ITGB7: variants seen among roughly 807,000 people sequenced by gnomAD.
ITGB7 encodes the protein integrin subunit beta 7, also known as integrin beta-7.
In ITGB7, 55 loss-of-function variants were observed where a neutral mutation model predicts 83.4. The ratio of observed to expected loss-of-function variants is 0.66; its 90% CI spans 0.53 to 0.83. The LOEUF (loss-of-function observed/expected upper bound fraction) is 0.83, where lower values mean the gene tolerates loss of function less well. ITGB7 is among the 40% of genes least tolerant of loss of function. The pLI is 0.00. For missense variants in ITGB7, 921 were observed against 1,046.7 expected (o/e 0.88, Z 1.66); for synonymous variants, 454 against 423.6 (o/e 1.07, Z -0.88).
intron 1 of ITGB7, among the ~76,000 whole-genome samples, chr12:53,205,662 T>A (rs1478777652): frequency 6.6e-6 from 1 of 152,150 alleles, no homozygotes; most frequent in Non-Finnish European, 1.5e-5. Context: ...CAACATAAAC[T>A]CTTCAGGACT....
chr12:53,192,060 A>G (rs1941974197), intron 14 of ITGB7, 41 bp from the exon 15 acceptor site: 2 of 1,596,596 alleles, frequency 1.3e-6, no homozygotes, highest in South Asian at 1.1e-5. Flanking sequence ...GAGCTGGAGC[A>G]TAGGGACAGA....
chr12:53,198,601 C>T (rs1942245516), intron 3 of ITGB7, among the ~76,000 whole-genome samples: 1 of 151,678 alleles, frequency 6.6e-6, no homozygotes, highest in Non-Finnish European at 1.5e-5. Context: ...CTATAGCAGT[C>T]CCCCACCCCT....
chr12:53,200,252 G>A lies in ITGB7; in HGVS notation c.192C>T (p.Cys64=), dbSNP rs1230950852. The change falls in exon 3 of 16, where the codon TGC becomes TGT. Residue 64 remains cysteine (C), a synonymous_variant. Transcript: ENST00000267082. The part of the protein sequence containing the change: ...CILSHPSCAW[C]KQLNFTASGE... ...ATAGGCCCATCTTTACCAGTTGCTT[G>A]CACCATGCACAGCTGGGGTGTGAGA... The A allele has an allele frequency of 4.3e-6, 7 of 1,613,718 alleles. No homozygotes were observed. Among genetic ancestry groups the A allele is most frequent in the Non-Finnish European group, 5.1e-6 (6 of 1,179,926 alleles).
intron 1 of ITGB7, among the ~76,000 whole-genome samples, chr12:53,203,563 G>A (rs917863406): frequency 6.8e-6 from 1 of 146,042 alleles, no homozygotes; most frequent in African/African-American, 2.6e-5. Flanking sequence ...CACAAGAATC[G>A]CTTGAACCCG....
At position 53,197,734 on chromosome 12, in the gene ITGB7, G is replaced by C. The variant is rs1942214098; in HGVS notation, c.403+16C>G. On this transcript the variant is annotated intron_variant, in intron 4 of 15. Coordinates refer to ENST00000267082, the MANE Select transcript of ITGB7 (RefSeq NM_000889.3). ...CAGCCTAGACCTCTGGCCTGGCCCC[G>C]CCTCCCCTAACTCACCAGGCCGCAG... 3 of 1,585,142 alleles carry C rather than the reference G, an allele frequency of 1.9e-6. No homozygotes were observed. Among genetic ancestry groups the C allele is most frequent in the African/African-American group, 1.3e-5 (1 of 74,142 alleles).
intron 1 of ITGB7, among the ~76,000 whole-genome samples, chr12:53,205,600 A>G (rs945164863): frequency 1.3e-5 from 2 of 152,158 alleles, no homozygotes. Flanking sequence ...ACTGGTGTGT[A>G]TTTCATCTAC....
rs1033507623 is a variant in ITGB7 at position 53,196,639 on chromosome 12, G to A, written c.756C>T (p.Ser252=). ...CACCTTCAGGCGAGTCCAGATTGCC[G>A]GACACACTCTGGCGCCCCACCTCCC... The part of the protein sequence containing the change: ...FEREVGRQSV[S]GNLDSPEGGF... The change falls in exon 6 of 16, where the codon TCC becomes TCT. Residue 252 remains serine, a synonymous_variant. Transcript: ENST00000267082. The A allele has an allele frequency of 1.7e-5, 27 of 1,612,572 alleles. No individual in the cohort carries two copies. The highest frequency in any genetic ancestry group is 4.0e-5 in the African/African-American group (3 of 74,856).
At position 53,196,215 on chromosome 12, in the gene ITGB7, G is replaced by A. The variant is rs201442074; in HGVS notation, c.817-16C>T. The A allele has an allele frequency of 2.5e-6, 4 of 1,613,018 alleles. No individual in the cohort carries two copies. The African/African-American group carries it at 4.0e-5, about 16-fold the overall frequency. ...CAATCTGCTCCTGAGTTACAGTGGG[G>A]GTGGTAGGCTATGCACCTGGGCATG... On this transcript the variant is annotated splice_polypyrimidine_tract_variant and intron_variant, in intron 6 of 15. Transcript: ENST00000267082.
rs772447440 is a variant in ITGB7 at position 53,193,299 on chromosome 12, G to C, written c.1567C>G (p.Leu523Val). The change falls in exon 12 of 16, where the codon CTG (leucine) becomes GTG (valine). Residue 523 changes from leucine to valine, a missense_variant. By Grantham distance (32) the Leu-to-Val change is conservative. Coordinates refer to ENST00000267082, the MANE Select transcript of ITGB7 (RefSeq NM_000889.3). Reference sequence around the variant, plus strand: ...TTGGGAGCCCGGCACCCAGATTCCAGGTCTGGGGAGGACAGCTCTGCCACA... The same window carrying C: ...TTGGGAGCCCGGCACCCAGATTCCACGTCTGGGGAGGACAGCTCTGCCACA... ...CSVAELSSPDLESGCRAPNGT... is the reference protein window; with the variant it reads ...CSVAELSSPDVESGCRAPNGT... 1.2e-6 allele frequency: 2 copies of C among 1,612,162 alleles called. No individual in the cohort carries two copies. The highest frequency in any genetic ancestry group is 1.7e-6 in the Non-Finnish European group (2 of 1,178,464).
At chr12:53,197,359 C>G in intron 5 of ITGB7, 134 bp downstream of exon 5, 1 of 966,354 alleles carries the variant, frequency 1.0e-6, no homozygotes, top group Middle Eastern at 2.1e-4. Flanking sequence ...CAGGAACGAA[C>G]CTGTGGCCTG....
chr12:53,202,590 A>C (rs1236407077), intron 1 of ITGB7, among the ~76,000 whole-genome samples: 1 of 151,584 alleles, frequency 6.6e-6, no homozygotes, highest in African/African-American at 2.4e-5. Context: ...CCTGACCTCA[A>C]GTGATCCACC....
Position 53,192,921 on chromosome 12 carries a change from G to A in ITGB7, c.1727-11C>T. 6.2e-7 allele frequency: 1 copy of A among 1,612,208 alleles called. No individual in the cohort carries two copies. The highest frequency in any genetic ancestry group is 8.5e-7 in the Non-Finnish European group (1 of 1,178,534). ...GGCAGCGACCAAAGCCTGGGGTAGA[G>A]CCATGCAGAGGGTGACAACCATACT... On this transcript the variant is annotated splice_polypyrimidine_tract_variant and intron_variant, in intron 12 of 15. Coordinates refer to ENST00000267082, the MANE Select transcript of ITGB7 (RefSeq NM_000889.3).
chr12:53,196,702 A>G lies in ITGB7; in HGVS notation c.693T>C (p.His231=), dbSNP rs1236161611. 7 of 1,612,718 alleles carry G rather than the reference A, an allele frequency of 4.3e-6. No individual in the cohort carries two copies. The highest frequency in any genetic ancestry group is 1.3e-5 in the African/African-American group (1 of 74,924). ...ERCQSPFSFH[H]VLSLTGDAQA... ...GTGCGTCCCCCGTCAGGGACAGCAC[A>G]TGGTGAAAGCTGAATGGTGACTGGC... is the stretch of plus-strand genomic sequence containing the variant. The change falls in exon 6 of 16, where the codon CAT becomes CAC. Residue 231 remains histidine (H), a synonymous_variant. Coordinates refer to ENST00000267082, the MANE Select transcript of ITGB7 (RefSeq NM_000889.3).
rs11574541 is a variant in ITGB7 at position 53,192,849 on chromosome 12, G to A, written c.1788C>T (p.Cys596=). 840 of 1,614,146 alleles carry A rather than the reference G, an allele frequency of 5.2e-4. 12 individuals are homozygous for A. In the East Asian group the frequency reaches 6.5e-3, roughly 13 times the overall value. The stretch of plus-strand genomic sequence containing the variant: ...AACTGTCCATGTCCCCACTGCATTC[G>A]CATGCTCTGCCCGTGCGGTTGGCAT... The part of the protein sequence containing the change: ...HCHANRTGRA[C]ECSGDMDSCI... Residue 596 remains cysteine, a synonymous_variant, in exon 13 of 16, where the codon TGC becomes TGT. Transcript: ENST00000267082.
chr12:53,192,671 T>C lies in ITGB7; in HGVS notation c.1946+20A>G. 6.2e-7 allele frequency: 1 copy of C among 1,609,740 alleles called. No individual in the cohort carries two copies. Among genetic ancestry groups the C allele is most frequent in the Non-Finnish European group, 8.5e-7 (1 of 1,176,996 alleles). ...CCCCACTGTGCCCCTGCTCCCAAGATGCAAGACCTGAGGCCTCACCGGTGT... is the reference window on the plus strand; with the variant it reads ...CCCCACTGTGCCCCTGCTCCCAAGACGCAAGACCTGAGGCCTCACCGGTGT... On this transcript the variant is annotated intron_variant, in intron 13 of 15. Transcript: ENST00000267082.
At chr12:53,198,367 G>A (rs371265018) in intron 3 of ITGB7, among the ~76,000 whole-genome samples, 6 of 150,480 alleles carry the variant, frequency 4.0e-5, no homozygotes, top group Non-Finnish European at 8.8e-5. Context: ...CCTCAAGTGC[G>A]CCCACCTCAG....
Position 53,194,356 on chromosome 12 carries a change from G to C in ITGB7, c.1162-12C>G, listed in dbSNP as rs1942082713. On this transcript the variant is annotated splice_polypyrimidine_tract_variant and intron_variant, in intron 9 of 15. Coordinates refer to ENST00000267082, the MANE Select transcript of ITGB7 (RefSeq NM_000889.3). ...GTGGAAGACAGGCTCTATGGGAAGA[G>C]AGCGAGTGGATAACCACGTGAAGGC... 1 of 1,613,736 alleles carries C rather than the reference G, an allele frequency of 6.2e-7. No homozygotes were observed. Among genetic ancestry groups the C allele is most frequent in the Non-Finnish European group, 8.5e-7 (1 of 1,179,806 alleles).
In ITGB7 at chr12:53,191,647, A is replaced by G; in HGVS notation, c.2317-11T>C. Reference sequence around the variant, plus strand: ...GAGAGGATTACTGTCCTGGAGAAAGATGTTGCAGATTATAAGCAAAAATCC... The same window carrying G: ...GAGAGGATTACTGTCCTGGAGAAAGGTGTTGCAGATTATAAGCAAAAATCC... On this transcript the variant is annotated splice_polypyrimidine_tract_variant and intron_variant, in intron 15 of 15. Coordinates refer to ENST00000267082, the MANE Select transcript of ITGB7 (RefSeq NM_000889.3). The G allele has an allele frequency of 6.2e-7, 1 of 1,610,274 alleles. No individual in the cohort carries two copies. The highest frequency in any genetic ancestry group is 8.5e-7 in the Non-Finnish European group (1 of 1,176,506).
chr12:53,195,535 G>A (rs1942127405), intron 8 of ITGB7, 72 bp from the exon 9 acceptor site: 3 of 1,518,030 alleles, frequency 2.0e-6, no homozygotes, highest in South Asian at 2.2e-5. Flanking sequence ...GGTCTGGAAG[G>A]AGGGCATATG....
Sources: gnomAD v4.1 joint callset for allele counts (sites outside exome capture counted in the v4.1 genomes callset) on GRCh38, gnomAD v4.1.1 for gene constraint, MANE v1.5 for transcripts, NCBI Gene and HGNC (gene_info 2026-07-23, HGNC 2026-07-21) for gene names.